UFM1: variants seen among roughly 807,000 people sequenced by gnomAD.
UFM1 encodes ubiquitin fold modifier 1.
Under a neutral mutation model 15.4 loss-of-function variants are expected in UFM1, and 9 were observed. The ratio of observed to expected loss-of-function variants is 0.59; its 90% confidence interval spans 0.35 to 1.02. The LOEUF (loss-of-function observed/expected upper bound fraction) is 1.02. UFM1 is among the 50% of genes least tolerant of loss of function. UFM1 has a pLI of 0.02. For missense variants in UFM1, 98 were observed against 104.7 expected (o/e 0.94, Z 0.28); for synonymous variants, 27 against 36.3 (o/e 0.74, Z 0.92).
chr13:38,357,840 G>A (rs540078544), intron 3 of UFM1, among the ~76,000 whole-genome samples: 1 of 151,970 alleles, frequency 6.6e-6, no homozygotes, highest in East Asian at 1.9e-4. Context: ...GTCTTGTGTT[G>A]AATATACTGA....
intron 3 of UFM1, among the ~76,000 whole-genome samples, chr13:38,357,186 T>G (rs537986503): frequency 6.6e-6 from 1 of 152,022 alleles, no homozygotes; most frequent in Admixed American, 6.6e-5. Flanking sequence ...AGCAAATCAT[T>G]ACAGAGGAAT....
chr13:38,360,016 T>C, intron 5 of UFM1: 1 of 364,802 alleles, frequency 2.7e-6, no homozygotes, highest in South Asian at 2.2e-5. Context: ...TTCTTTATTG[T>C]AACAAAATTA....
chr13:38,352,686 G>A (rs1449581973), intron 2 of UFM1, among the ~76,000 whole-genome samples: 2 of 152,134 alleles, frequency 1.3e-5, no homozygotes, highest in Admixed American at 6.5e-5. Flanking sequence ...TTTTCTGCCA[G>A]TTAGAACTTG....
Position 38,354,291 on chromosome 13 carries a change from G to C in UFM1, c.112G>C (p.Glu38Gln). ...PFTAVLKFAA[E>Q]EFKVPAATSA... ...CACAGCAGTCTTAAAGTTTGCAGCAGAAGAAGTAAGTACAGAAGTTGGAAC... is the reference window on the plus strand; with the variant it reads ...CACAGCAGTCTTAAAGTTTGCAGCACAAGAAGTAAGTACAGAAGTTGGAAC... Residue 38 changes from glutamate to glutamine, a missense_variant, in exon 3 of 6, where the codon GAA becomes CAA. Physicochemically the swap from Glu to Gln is conservative, Grantham distance 29. Transcript: ENST00000239878. 3 of 1,610,244 alleles carry C rather than the reference G, an allele frequency of 1.9e-6. No homozygotes were observed. Among genetic ancestry groups the C allele is most frequent in the Non-Finnish European group, 2.5e-6 (3 of 1,177,458 alleles).
At chr13:38,350,802 A>T (rs1878812228) in intron 2 of UFM1, among the ~76,000 whole-genome samples, 1 of 152,176 alleles carries the variant, frequency 6.6e-6, no homozygotes, top group Non-Finnish European at 1.5e-5. Flanking sequence ...ACCTTGGCCT[A>T]CCTAGCTGAC....
chr13:38,350,270 C>A (rs370347538), intron 2 of UFM1: 2 of 1,557,478 alleles, frequency 1.3e-6, no homozygotes, highest in East Asian at 2.4e-5. Flanking sequence ...AGCTTGGCCC[C>A]GTCACGAGGG....
chr13:38,353,454 T>C (rs897287839), intron 2 of UFM1, among the ~76,000 whole-genome samples: 3 of 152,098 alleles, frequency 2.0e-5, no homozygotes, highest in Non-Finnish European at 4.4e-5. Flanking sequence ...TCTTAAAGTG[T>C]TTTCTTAAGG....
chr13:38,358,147 TA>T lies in UFM1; in HGVS notation c.157+19del. 1 of 1,427,760 alleles carries T rather than the reference TA, an allele frequency of 7.0e-7. No homozygotes were observed. The highest frequency in any genetic ancestry group is 1.9e-4 in the Middle Eastern group (1 of 5,288). 88.4% of individuals were successfully genotyped at this position (1,427,760 alleles called of 1,614,324 possible). On this transcript the variant is annotated intron_variant, in intron 4 of 5. Transcript: ENST00000239878. The stretch of plus-strand genomic sequence containing the variant: ...TATTACCAATGGTAAGAATTCACTA[TA>T]AAATTATGTATTACCTCAAATTTAT...
Position 38,355,640 on chromosome 13 carries a change from A to G in UFM1, c.117+1344A>G, listed in dbSNP as rs914159060. Among the ~76,000 whole-genome samples the G allele has an allele frequency of 2.0e-5, 3 of 151,902 alleles. No individual in the cohort carries two copies. In the East Asian group the frequency reaches 5.8e-4, roughly 29 times the overall value. Reference sequence around the variant, plus strand: ...AAACACCACACAACCATATATATTGATTAAGGTAGTTTATAAGTAAAGCTT... The same window carrying G: ...AAACACCACACAACCATATATATTGGTTAAGGTAGTTTATAAGTAAAGCTT... On this transcript the variant is annotated intron_variant, in intron 3 of 5. Transcript: ENST00000239878.
intron 2 of UFM1, among the ~76,000 whole-genome samples, chr13:38,351,755 G>T (rs1304225191): frequency 6.6e-6 from 1 of 152,158 alleles, no homozygotes; most frequent in Non-Finnish European, 1.5e-5. Context: ...TAAGAGCCTG[G>T]AACATTGTAC....
At chr13:38,350,163 A>G in intron 2 of UFM1, 108 bp downstream of exon 2, 3 of 1,613,754 alleles carry the variant, frequency 1.9e-6, no homozygotes, top group Non-Finnish European at 2.5e-6. Flanking sequence ...TCATCTCTTC[A>G]CTTCATCTAC....
intron 5 of UFM1, 188 bp downstream of exon 5, chr13:38,359,521 A>C: frequency 2.0e-6 from 1 of 489,112 alleles, no homozygotes; most frequent in Non-Finnish European, 3.6e-6. Flanking sequence ...TTGATTGTAG[A>C]TGTTTTTGGC....
At position 38,362,472 on chromosome 13, in the gene UFM1, T is replaced by TG. The variant is rs1449309333; in HGVS notation, c.*1694_*1695insG. ...TTATTTTTATTTATTTGTTTTGTTTTTTTTTTTTTGAGGCAGACTCTCTGT... is the reference window on the plus strand; with the variant it reads ...TTATTTTTATTTATTTGTTTTGTTTTGTTTTTTTTTGAGGCAGACTCTCTGT... On this transcript the variant is annotated 3_prime_UTR_variant, in exon 6 of 6. Coordinates refer to ENST00000239878, the MANE Select transcript of UFM1 (RefSeq NM_016617.4). 5 of 151,190 alleles carry TG rather than the reference T, an allele frequency of 3.3e-5. No homozygotes were observed. The highest frequency in any genetic ancestry group is 3.9e-4 in the East Asian group (2 of 5,158). 9.4% of individuals were successfully genotyped at this position (151,190 alleles called of 1,614,324 possible). A position where few individuals can be genotyped will look rare whatever the true frequency, so the allele number is the denominator to read the frequency against.
At chr13:38,357,723 T>C (rs913155556) in intron 3 of UFM1, among the ~76,000 whole-genome samples, 1 of 152,000 alleles carries the variant, frequency 6.6e-6, no homozygotes, top group Non-Finnish European at 1.5e-5. Flanking sequence ...TATTATATAC[T>C]GTATTCTTAC....
chr13:38,357,414 T>C (rs1879152008), intron 3 of UFM1, among the ~76,000 whole-genome samples: 1 of 151,908 alleles, frequency 6.6e-6, no homozygotes, highest in Non-Finnish European at 1.5e-5. Context: ...TGGGCATAAA[T>C]TGACAGTGGT....
chr13:38,362,173 A>G lies in UFM1; in HGVS notation c.*1395A>G, dbSNP rs2485783. 0.87 allele frequency: 132,531 copies of G among 152,198 alleles called. 59,712 individuals carry two copies. The highest frequency in any genetic ancestry group is 0.99 in the East Asian group (5,099 of 5,160). 9.4% of individuals were successfully genotyped at this position (152,198 alleles called of 1,614,324 possible). A position where few individuals can be genotyped will look rare whatever the true frequency, so the allele number is the denominator to read the frequency against. ...TGTCTGGCTCTTTTTAGAGCTGGAA[A>G]TGTAGTGGCTTTCATTAAATACTTG... On this transcript the variant is annotated 3_prime_UTR_variant, in exon 6 of 6. Transcript: ENST00000239878.
intron 2 of UFM1, 52 bp downstream of exon 2, chr13:38,350,107 G>T: frequency 6.2e-7 from 1 of 1,614,216 alleles, no homozygotes; most frequent in Non-Finnish European, 8.5e-7. Flanking sequence ...GACGGGGCTG[G>T]GTTGGGGATG....
At chr13:38,355,609 A>G (rs990113399) in intron 3 of UFM1, among the ~76,000 whole-genome samples, 2 of 151,960 alleles carry the variant, frequency 1.3e-5, no homozygotes, top group Non-Finnish European at 2.9e-5. Flanking sequence ...TACAGTAGTG[A>G]ATAAGAAACA....
Position 38,349,918 on chromosome 13 carries a change from C to G in UFM1, c.-2C>G. The G allele has an allele frequency of 6.2e-7, 1 of 1,614,136 alleles. No homozygotes were observed. Among genetic ancestry groups the G allele is most frequent in the Non-Finnish European group, 8.5e-7 (1 of 1,180,022 alleles). On this transcript the variant is annotated 5_prime_UTR_variant, in exon 1 of 6. Coordinates refer to ENST00000239878, the MANE Select transcript of UFM1 (RefSeq NM_016617.4). ...GTGTTCTGGATTCATTCCGGCACCA[C>G]CATGTAAGTGTTTGCTTACCGACTG...
Sources: allele counts gnomAD v4.1 joint callset (sites outside exome capture counted in the v4.1 genomes callset), GRCh38; gene constraint gnomAD v4.1.1; transcripts MANE v1.5; gene names NCBI Gene and HGNC (gene_info 2026-07-23, HGNC 2026-07-21).